The following KLHL2 variants were observed in gnomAD, a reference collection of about 807,000 sequenced individuals.
KLHL2 encodes the protein kelch like family member 2.
KLHL2 carries 15 observed loss-of-function variants against 75.8 expected under a neutral mutation model. The observed-to-expected ratio is 0.20, with a 90% CI of 0.13 to 0.30. The LOEUF (loss-of-function observed/expected upper bound fraction) is 0.30, where lower values mean the gene tolerates loss of function less well. KLHL2 is among the 10% of genes least tolerant of loss of function. KLHL2 has a pLI of 1.00. For missense variants in KLHL2, 381 were observed against 741.0 expected (o/e 0.51, Z 5.64); for synonymous variants, 214 against 251.9 (o/e 0.85, Z 1.42).
chr4:165,315,562 GAATT>G (rs1746534261), intron 13 of KLHL2, among the ~76,000 whole-genome samples: 2 of 152,082 alleles, frequency 1.3e-5, no homozygotes, highest in Admixed American at 1.3e-4. Context: ...AACAAAATTT[GAATT>G]ATTTACTTCT....
chr4:165,224,955 G>A (rs759836882), intron 2 of KLHL2, among the ~76,000 whole-genome samples: 12 of 152,120 alleles, frequency 7.9e-5, no homozygotes, highest in African/African-American at 1.7e-4. Flanking sequence ...GATAGACACC[G>A]TGCATTTTAA....
intron 11 of KLHL2, among the ~76,000 whole-genome samples, chr4:165,311,853 T>C (rs1297602929): frequency 7.7e-6 from 1 of 130,602 alleles, no homozygotes; most frequent in East Asian, 2.0e-4. Flanking sequence ...GTGTTTGACT[T>C]ATATAACTGT....
intron 11 of KLHL2, among the ~76,000 whole-genome samples, chr4:165,311,837 G>T (rs1245706876): frequency 6.9e-6 from 1 of 145,628 alleles, no homozygotes; most frequent in African/African-American, 2.5e-5. Flanking sequence ...GTGTGTGTGT[G>T]TGTGTGTGTT....
chr4:165,234,171 A>G (rs527446328), intron 3 of KLHL2, among the ~76,000 whole-genome samples: 2 of 152,210 alleles, frequency 1.3e-5, no homozygotes, highest in South Asian at 4.1e-4. Context: ...GGAGAGTTAC[A>G]TACTCTGACC....
chr4:165,277,798 A>G (rs543791863), intron 5 of KLHL2: 7 of 627,180 alleles, frequency 1.1e-5, no homozygotes, highest in East Asian at 2.7e-5. Flanking sequence ...AAATATTTCT[A>G]TAGCATTCTT....
rs138702808 is a variant in KLHL2 at position 165,258,345 on chromosome 4, T to A, written c.382-4852T>A. 7.6e-3 allele frequency among the ~76,000 whole-genome samples: 1,093 copies of A among 144,518 alleles called. 17 individuals are homozygous for A. The highest frequency in any genetic ancestry group is 0.027 in the African/African-American group (1,036 of 38,750). The allele number at this position is 144,518 out of a possible 152,430, so 94.8% of individuals were successfully genotyped here. A position where few individuals can be genotyped will look rare whatever the true frequency, so the allele number is the denominator to read the frequency against. ...TTTTTTTTTCATATCATACCAAGAG[T>A]ACTGTATAGAAATCCAAGGTACTGC... On this transcript the variant is annotated intron_variant, in intron 4 of 14. Transcript: ENST00000226725.
intron 11 of KLHL2, 52 bp downstream of exon 11, chr4:165,311,617 TGGTTCTTCCAG>T (rs749910328): frequency 7.7e-7 from 1 of 1,299,518 alleles, no homozygotes. Context: ...TCCTTGAGAG[TGGTTCTTCCAG>T]TAATCTCAAC....
chr4:165,212,716 T>TA (rs1737273104), intron 1 of KLHL2, among the ~76,000 whole-genome samples: 1 of 152,222 alleles, frequency 6.6e-6, no homozygotes, highest in Non-Finnish European at 1.5e-5. Flanking sequence ...GAGTTTAAGT[T>TA]ACTCTCTCAA....
intron 5 of KLHL2, among the ~76,000 whole-genome samples, chr4:165,265,771 C>T (rs573499315): frequency 5.9e-5 from 9 of 152,142 alleles, no homozygotes; most frequent in South Asian, 4.1e-4. Flanking sequence ...TGAATAGTGT[C>T]GCAATAAACA....
intron 1 of KLHL2, among the ~76,000 whole-genome samples, chr4:165,216,709 A>G (rs1036252487): frequency 5.9e-5 from 9 of 152,172 alleles, no homozygotes; most frequent in Non-Finnish European, 1.3e-4. Context: ...CTGAATGAGA[A>G]GCCATCTAAC....
chr4:165,303,500 C>CCCG (rs889863221), intron 8 of KLHL2, among the ~76,000 whole-genome samples: 5 of 146,108 alleles, frequency 3.4e-5, no homozygotes, highest in African/African-American at 9.8e-5. Context: ...CCTTGCCCCC[C>CCCG]CCGCCGTTTT....
rs1747034427 is a variant in KLHL2, at chr4:165,322,161, C to CT, written c.*104dup. 4 of 1,084,700 alleles carry CT rather than the reference C, an allele frequency of 3.7e-6. No individual in the cohort carries two copies. The highest frequency in any genetic ancestry group is 2.0e-4 in the Middle Eastern group (1 of 5,066). 67.2% of individuals were successfully genotyped at this position (1,084,700 alleles called of 1,614,324 possible). On this transcript the variant is annotated 3_prime_UTR_variant, in exon 15 of 15. Transcript: ENST00000226725. ...TAGCACTTCTCCACTTGTAGCTGCACTTTAAGTCTCAGCAGAAGATACGAT... is the reference window on the plus strand; with the variant it reads ...TAGCACTTCTCCACTTGTAGCTGCACTTTTAAGTCTCAGCAGAAGATACGAT...
rs190009754 is a variant in KLHL2 at position 165,247,043 on chromosome 4, C to T, written c.381+8144C>T. Among the ~76,000 whole-genome samples the T allele has an allele frequency of 2.0e-5, 3 of 152,268 alleles. No homozygotes were observed. The East Asian group carries it at 5.8e-4, about 29-fold the overall frequency. ...GCTAGTTCTAGAGAAGAAGGTGCTT[C>T]AAGGAGACAGTGTTTGGCTGTGTCA... On this transcript the variant is annotated intron_variant, in intron 4 of 14. Transcript: ENST00000226725.
At chr4:165,283,786 A>G (rs1051677695) in intron 5 of KLHL2, among the ~76,000 whole-genome samples, 1 of 152,216 alleles carries the variant, frequency 6.6e-6, no homozygotes, top group Non-Finnish European at 1.5e-5. Context: ...GCCCTAGCAG[A>G]GGTTCCCCAT....
intron 4 of KLHL2, among the ~76,000 whole-genome samples, chr4:165,249,093 A>C (rs1740482972): frequency 6.6e-6 from 1 of 152,236 alleles, no homozygotes; most frequent in Non-Finnish European, 1.5e-5. Flanking sequence ...ATGCTGGCTC[A>C]TGGTGCAATT....
intron 1 of KLHL2, among the ~76,000 whole-genome samples, chr4:165,209,696 A>G (rs909770963): frequency 6.6e-6 from 1 of 152,226 alleles, no homozygotes; most frequent in African/African-American, 2.4e-5. Context: ...GAAAACTTGG[A>G]ATGCCAGCAT....
chr4:165,284,545 CATT>C (rs1419188068), intron 5 of KLHL2, among the ~76,000 whole-genome samples: 1 of 152,172 alleles, frequency 6.6e-6, no homozygotes, highest in African/African-American at 2.4e-5. Context: ...TTGTCCATAT[CATT>C]ATCAGCATTT....
At chr4:165,280,574 A>G (rs1392906809) in intron 5 of KLHL2, among the ~76,000 whole-genome samples, 2 of 152,250 alleles carry the variant, frequency 1.3e-5, no homozygotes, top group South Asian at 2.1e-4. Context: ...TCAAGGGTCT[A>G]TTGCAGTGTT....
intron 2 of KLHL2, among the ~76,000 whole-genome samples, chr4:165,223,444 T>C (rs1445337798): frequency 6.6e-6 from 1 of 152,174 alleles, no homozygotes; most frequent in Non-Finnish European, 1.5e-5. Flanking sequence ...CAGGATTCAC[T>C]GAGGGGATGG....
Sources: gnomAD v4.1 joint callset for allele counts (sites outside exome capture counted in the v4.1 genomes callset) on GRCh38, gnomAD v4.1.1 for gene constraint, MANE v1.5 for transcripts, NCBI Gene and HGNC (gene_info 2026-07-23, HGNC 2026-07-21) for gene names.